The following KLHL32 variants were observed in gnomAD, a reference collection of about 807,000 sequenced individuals.
KLHL32 encodes the protein kelch like family member 32, also known as kelch-like protein 32.
In KLHL32, 35 loss-of-function variants were observed where a neutral mutation model predicts 64.8. The ratio of observed to expected loss-of-function variants is 0.54; its 90% CI spans 0.41 to 0.72. KLHL32 has a LOEUF of 0.72. Among genes scored for constraint, KLHL32 ranks in the 30% least tolerant of loss-of-function variants. KLHL32 has a pLI of 0.00. For missense variants in KLHL32, 589 were observed against 768.5 expected (o/e 0.77, Z 2.76); for synonymous variants, 259 against 281.0 (o/e 0.92, Z 0.78).
At chr6:96,959,065 T>A (rs545136352) in intron 1 of KLHL32, among the ~76,000 whole-genome samples, 3 of 152,134 alleles carry the variant, frequency 2.0e-5, no homozygotes, top group Non-Finnish European at 4.4e-5. Context: ...CCAGAGAAAA[T>A]TTCCTCCAAG....
intron 5 of KLHL32, among the ~76,000 whole-genome samples, chr6:97,084,645 A>G (rs1428924146): frequency 2.0e-5 from 3 of 152,350 alleles, no homozygotes; most frequent in Middle Eastern, 3.4e-3. Context: ...GTTTTGACTT[A>G]AAGACCTACT....
chr6:97,071,851 G>A (rs187158137), intron 5 of KLHL32, among the ~76,000 whole-genome samples: 44 of 152,198 alleles, frequency 2.9e-4, no homozygotes, highest in Middle Eastern at 3.4e-3. Flanking sequence ...ACTCAGCTGC[G>A]CTCCCTGCCT....
intron 3 of KLHL32, among the ~76,000 whole-genome samples, chr6:97,022,026 A>G (rs6916496): frequency 0.069 from 10,409 of 150,710 alleles, 1,343 homozygotes; most frequent in African/African-American, 0.19. Flanking sequence ...CCTGGTCTAA[A>G]CTACCATTAT....
At chr6:97,014,339 A>G (rs953564007) in intron 3 of KLHL32, among the ~76,000 whole-genome samples, 8 of 151,452 alleles carry the variant, frequency 5.3e-5, no homozygotes, top group Non-Finnish European at 1.2e-4. Flanking sequence ...GTAAATTATT[A>G]TTTGCAACTT....
chr6:97,133,833 T>C (rs1799694788), intron 10 of KLHL32, among the ~76,000 whole-genome samples: 1 of 152,144 alleles, frequency 6.6e-6, no homozygotes, highest in African/African-American at 2.4e-5. Flanking sequence ...TCTGAATGGA[T>C]ATGGGTTCTG....
chr6:97,058,856 G>A (rs928594042), intron 4 of KLHL32, among the ~76,000 whole-genome samples: 2 of 152,204 alleles, frequency 1.3e-5, no homozygotes, highest in Non-Finnish European at 2.9e-5. Context: ...TAATCCAAAT[G>A]TTATTGGAAA....
chr6:97,055,934 T>A (rs1787789223), intron 4 of KLHL32, among the ~76,000 whole-genome samples: 1 of 151,710 alleles, frequency 6.6e-6, no homozygotes. Context: ...CTTTCACTCA[T>A]TTATCACTCA....
chr6:96,925,429 CA>C (rs1171812843), intron 1 of KLHL32, among the ~76,000 whole-genome samples: 1 of 152,166 alleles, frequency 6.6e-6, no homozygotes, highest in Non-Finnish European at 1.5e-5. Context: ...CGGTTTCATT[CA>C]ACTTCAAGAA....
intron 2 of KLHL32, among the ~76,000 whole-genome samples, chr6:96,975,459 C>T (rs1359433403): frequency 6.6e-6 from 1 of 152,196 alleles, no homozygotes; most frequent in East Asian, 1.9e-4. Context: ...ATGGAATGGT[C>T]ATTTGCAGCC....
chr6:97,042,290 A>T (rs1008311238), intron 4 of KLHL32, among the ~76,000 whole-genome samples: 2 of 152,208 alleles, frequency 1.3e-5, no homozygotes, highest in Non-Finnish European at 2.9e-5. Flanking sequence ...CTCACATCCT[A>T]GTAAGAGAAA....
intron 2 of KLHL32, among the ~76,000 whole-genome samples, chr6:96,968,840 A>G (rs1774790210): frequency 6.6e-6 from 1 of 152,140 alleles, no homozygotes. Context: ...AAGTAGTGGC[A>G]TTATTATTTC....
intron 3 of KLHL32, among the ~76,000 whole-genome samples, chr6:96,981,736 T>A (rs1776335757): frequency 6.6e-6 from 1 of 152,196 alleles, no homozygotes; most frequent in Non-Finnish European, 1.5e-5. Flanking sequence ...GTCTCAGAGA[T>A]GCTCATGTGT....
chr6:97,101,353 G>T (rs1423799748), intron 6 of KLHL32, among the ~76,000 whole-genome samples: 2 of 152,112 alleles, frequency 1.3e-5, no homozygotes, highest in Non-Finnish European at 2.9e-5. Flanking sequence ...AATTTCATTA[G>T]AATATTTTAC....
At chr6:97,070,232 T>G (rs1305379500) in intron 5 of KLHL32, among the ~76,000 whole-genome samples, 1 of 152,128 alleles carries the variant, frequency 6.6e-6, no homozygotes, top group Non-Finnish European at 1.5e-5. Flanking sequence ...ATATTACAAG[T>G]GGTTTAATCT....
intron 5 of KLHL32, among the ~76,000 whole-genome samples, chr6:97,067,003 C>T (rs1176126616): frequency 2.0e-5 from 3 of 152,128 alleles, no homozygotes. Flanking sequence ...GTTTTTGAAA[C>T]CGCTCTCTTC....
rs759646853 is a variant in KLHL32 at position 97,114,015 on chromosome 6, AGT to A, written c.861_862del (p.Gln287HisfsTer27). 2 of 1,614,098 alleles carry A rather than the reference AGT, an allele frequency of 1.2e-6. No homozygotes were observed. Among genetic ancestry groups the A allele is most frequent in the African/African-American group, 2.7e-5 (2 of 74,926 alleles). On this transcript the variant is annotated frameshift_variant, in exon 7 of 11. Transcript: ENST00000369261. LOFTEE classifies it high-confidence loss of function. ...ACTCGCAGGACCAAACCACGATTCC[AGT>A]CAGACACTCTGTATATCATTGGTGG... is the stretch of plus-strand genomic sequence containing the variant.
At chr6:97,001,125 A>T (rs1040028656) in intron 3 of KLHL32, among the ~76,000 whole-genome samples, 5 of 152,200 alleles carry the variant, frequency 3.3e-5, no homozygotes, top group African/African-American at 1.2e-4. Context: ...ATACATTTAT[A>T]AAAACCCATA....
chr6:96,929,434 C>A (rs1211951929), intron 1 of KLHL32, among the ~76,000 whole-genome samples: 3 of 152,152 alleles, frequency 2.0e-5, no homozygotes, highest in African/African-American at 7.2e-5. Context: ...GTCTTACTTC[C>A]CTTCTCTGCC....
chr6:97,006,394 A>G (rs1263520207), intron 3 of KLHL32, among the ~76,000 whole-genome samples: 1 of 152,120 alleles, frequency 6.6e-6, no homozygotes, highest in East Asian at 1.9e-4. Flanking sequence ...CTTTGAGCCT[A>G]TCGGGGTTAT....
Sources: gnomAD v4.1 joint callset for allele counts (sites outside exome capture counted in the v4.1 genomes callset) on GRCh38, gnomAD v4.1.1 for gene constraint, MANE v1.5 for transcripts, NCBI Gene and HGNC (gene_info 2026-07-23, HGNC 2026-07-21) for gene names.